The following PTPRD variants were observed in gnomAD, a reference collection of about 807,000 sequenced individuals.
PTPRD encodes the protein protein tyrosine phosphatase receptor type D.
Under a neutral mutation model 214.5 loss-of-function variants are expected in PTPRD, and 34 were observed. The ratio of observed to expected loss-of-function variants is 0.16; its 90% CI spans 0.12 to 0.21. PTPRD has a LOEUF of 0.21. PTPRD is among the 10% of genes least tolerant of loss of function. The probability of loss-of-function intolerance (pLI) is 1.00; values close to 1 mark genes in which losing one functional copy is unlikely to be tolerated. For missense variants in PTPRD, 2,545 were observed against 2,398.7 expected, an observed-to-expected ratio of 1.06 and a Z score of -1.27; for synonymous variants, 1,128 against 845.7, an observed-to-expected ratio of 1.33 and a Z score of -5.79.
In PTPRD at chr9:8,465,398, A is replaced by T. The variant is rs529107287; in HGVS notation, c.3714+68T>A. On this transcript the variant is annotated intron_variant, in intron 32 of 45. Transcript: ENST00000381196. ...GGATGGATATACCCACAAATCCCCAAATAACCACATTCCAGTGAAAATGTA... is the reference window on the plus strand; with the variant it reads ...GGATGGATATACCCACAAATCCCCATATAACCACATTCCAGTGAAAATGTA... The T allele has an allele frequency of 1.2e-5, 18 of 1,448,728 alleles. No individual in the cohort carries two copies. The African/African-American group carries it at 2.4e-4, about 19-fold the overall frequency. The allele number at this position is 1,448,728 out of a possible 1,614,324, so 89.7% of individuals were successfully genotyped here. A position where few individuals can be genotyped will look rare whatever the true frequency, so the allele number is the denominator to read the frequency against.
chr9:9,989,507 G>C (rs1234540264), intron 4 of PTPRD, among the ~76,000 whole-genome samples: 1 of 152,104 alleles, frequency 6.6e-6, no homozygotes. Context: ...GCCTGGGACA[G>C]CCGAACTCCA....
intron 2 of PTPRD, among the ~76,000 whole-genome samples, chr9:10,548,785 G>C (rs2060694521): frequency 6.6e-6 from 1 of 152,114 alleles, no homozygotes; most frequent in African/African-American, 2.4e-5. Flanking sequence ...CAGGAGAACT[G>C]CCAATGTCAC....
intron 7 of PTPRD, among the ~76,000 whole-genome samples, chr9:9,575,106 G>T (rs2088010330): frequency 6.6e-6 from 1 of 152,172 alleles, no homozygotes; most frequent in African/African-American, 2.4e-5. Context: ...AACCTTCTCT[G>T]TTACATTAAT....
chr9:9,913,264 T>C (rs1459447918), intron 5 of PTPRD, among the ~76,000 whole-genome samples: 1 of 152,222 alleles, frequency 6.6e-6, no homozygotes, highest in African/African-American at 2.4e-5. Context: ...CCTTAATCTT[T>C]GATAAGGAGT....
At chr9:8,358,969 G>A (rs556231695) in intron 39 of PTPRD, among the ~76,000 whole-genome samples, 256 of 150,198 alleles carry the variant, frequency 1.7e-3, no homozygotes, top group Non-Finnish European at 3.0e-3. Context: ...TTAGCCGGGC[G>A]TGGTGGCGGG....
intron 3 of PTPRD, among the ~76,000 whole-genome samples, chr9:10,130,684 C>A (rs979260682): frequency 4.0e-5 from 6 of 151,856 alleles, no homozygotes; most frequent in African/African-American, 1.5e-4. Flanking sequence ...TAAATCATTA[C>A]TGAATGACAG....
intron 9 of PTPRD, among the ~76,000 whole-genome samples, chr9:9,310,727 G>A (rs1448842281): frequency 6.6e-6 from 1 of 151,982 alleles, no homozygotes; most frequent in African/African-American, 2.4e-5. Flanking sequence ...AGACAAGCCT[G>A]ACCAACACGG....
At chr9:8,999,341 C>A (rs934578164) in intron 11 of PTPRD, among the ~76,000 whole-genome samples, 1 of 152,062 alleles carries the variant, frequency 6.6e-6, no homozygotes, top group Admixed American at 6.6e-5. Context: ...CAACCCCCAG[C>A]CTGATCAGTC....
At chr9:10,417,581 T>C (rs1006101573) in intron 2 of PTPRD, among the ~76,000 whole-genome samples, 1 of 151,790 alleles carries the variant, frequency 6.6e-6, no homozygotes, top group African/African-American at 2.4e-5. Flanking sequence ...TAATATTTAT[T>C]TGCCTTATAA....
intron 5 of PTPRD, among the ~76,000 whole-genome samples, chr9:9,834,808 A>G (rs946013314): frequency 6.6e-6 from 1 of 152,084 alleles, no homozygotes; most frequent in Non-Finnish European, 1.5e-5. Context: ...CTAAAGAGGG[A>G]CACTAGATTA....
At chr9:10,434,148 T>C (rs1206615625) in intron 2 of PTPRD, among the ~76,000 whole-genome samples, 1 of 151,760 alleles carries the variant, frequency 6.6e-6, no homozygotes, top group Admixed American at 6.6e-5. Context: ...ATGCAATTAT[T>C]TTTTTTATTT....
At chr9:9,518,705 G>C (rs1427343754) in intron 8 of PTPRD, among the ~76,000 whole-genome samples, 1 of 152,042 alleles carries the variant, frequency 6.6e-6, no homozygotes, top group Non-Finnish European at 1.5e-5. Flanking sequence ...TTGTGTGAAA[G>C]AGTTTTAATG....
intron 3 of PTPRD, among the ~76,000 whole-genome samples, chr9:10,118,867 AAAATAAAT>A (rs144204787): frequency 1.6e-4 from 23 of 143,654 alleles, no homozygotes; most frequent in Non-Finnish European, 2.1e-4. Context: ...AAATACACCA[AAAATAAAT>A]AAATAAATAA....
intron 7 of PTPRD, among the ~76,000 whole-genome samples, chr9:9,660,666 T>C (rs1489741664): frequency 6.6e-6 from 1 of 152,004 alleles, no homozygotes; most frequent in African/African-American, 2.4e-5. Context: ...ATGATCACTT[T>C]CTCAGGATTT....
intron 11 of PTPRD, among the ~76,000 whole-genome samples, chr9:8,824,840 G>C (rs2097144457): frequency 6.6e-6 from 1 of 152,124 alleles, no homozygotes; most frequent in Non-Finnish European, 1.5e-5. Context: ...CAACTAATGA[G>C]ACTAGAATTT....
At chr9:8,414,942 A>G (rs1224071084) in intron 35 of PTPRD, among the ~76,000 whole-genome samples, 2 of 140,778 alleles carry the variant, frequency 1.4e-5, no homozygotes, top group East Asian at 2.0e-4. Flanking sequence ...AGAGAGAGAG[A>G]GAGAGAGAGA....
chr9:9,013,299 A>C (rs2099519578), intron 11 of PTPRD, among the ~76,000 whole-genome samples: 1 of 152,120 alleles, frequency 6.6e-6, no homozygotes, highest in African/African-American at 2.4e-5. Context: ...TCTCAAGGTG[A>C]TGGGCAAAAT....
At chr9:8,683,050 C>A (rs1390240013) in intron 12 of PTPRD, among the ~76,000 whole-genome samples, 3 of 152,078 alleles carry the variant, frequency 2.0e-5, no homozygotes, top group Admixed American at 2.0e-4. Context: ...TTAATCACTG[C>A]CTTAATAGGT....
intron 26 of PTPRD, among the ~76,000 whole-genome samples, chr9:8,494,530 T>G (rs531796451): frequency 6.6e-6 from 1 of 152,200 alleles, no homozygotes; most frequent in Non-Finnish European, 1.5e-5. Context: ...GCCAACATTA[T>G]GGTTTCCAAG....
Sources: allele counts gnomAD v4.1 joint callset (sites outside exome capture counted in the v4.1 genomes callset), GRCh38; gene constraint gnomAD v4.1.1; transcripts MANE v1.5; gene names NCBI Gene and HGNC (gene_info 2026-07-23, HGNC 2026-07-21).